Variants in CASD1 observed in about 807,000 individuals in gnomAD.
CASD1 encodes the protein N-acetylneuraminate (7)9-O-acetyltransferase.
CASD1 carries 41 observed loss-of-function variants against 100.0 expected under a neutral mutation model. The ratio of observed to expected loss-of-function variants is 0.41; its 90% CI spans 0.32 to 0.53. The LOEUF (loss-of-function observed/expected upper bound fraction) is 0.53, where lower values mean the gene tolerates loss of function less well. Among genes scored for constraint, CASD1 ranks in the 20% least tolerant of loss-of-function variants. The pLI, the probability that CASD1 is intolerant of heterozygous loss-of-function variation, is 0.25. For missense variants in CASD1, 774 were observed against 948.7 expected (o/e 0.82, Z 2.42); for synonymous variants, 321 against 315.6 (o/e 1.02, Z -0.18).
chr7:94,547,010 G>C lies in CASD1; in HGVS notation c.1634-86G>C, dbSNP rs1053690671. ...CTTATATTATTTTAAGAACTATTCA[G>C]CATGTACATATATCAAATAGAGAGT... On this transcript the variant is annotated intron_variant, in intron 12 of 17. Coordinates refer to ENST00000297273, the MANE Select transcript of CASD1 (RefSeq NM_022900.5). 7 of 752,482 alleles carry C rather than the reference G, an allele frequency of 9.3e-6. No individual in the cohort carries two copies. In the African/African-American group the frequency reaches 1.1e-4, roughly 12 times the overall value. 46.6% of individuals were successfully genotyped at this position (752,482 alleles called of 1,614,324 possible). A position where few individuals can be genotyped will look rare whatever the true frequency, so the allele number is the denominator to read the frequency against.
At chr7:94,628,083 T>C in the CASD1 span, 1 of 741,932 alleles carries the variant, frequency 1.3e-6, no homozygotes, top group Non-Finnish European at 2.3e-6. Context: ...GCACAAAATA[T>C]TAAAAACCAC....
chr7:94,592,598 T>C, the CASD1 span, among the ~76,000 whole-genome samples: 1 of 152,276 alleles, frequency 6.6e-6, no homozygotes, highest in Non-Finnish European at 1.5e-5. Flanking sequence ...ATTGTGTAAA[T>C]TAGTCATTGC....
chr7:94,548,020 A>C (rs139681743), intron 13 of CASD1, among the ~76,000 whole-genome samples: 150 of 151,672 alleles, frequency 9.9e-4, no homozygotes, highest in African/African-American at 3.2e-3. Flanking sequence ...TCTGCTTGAC[A>C]CTCAAGCTTC....
At chr7:94,516,009 G>A (rs1793962172) in intron 1 of CASD1, among the ~76,000 whole-genome samples, 1 of 151,928 alleles carries the variant, frequency 6.6e-6, no homozygotes, top group Admixed American at 6.6e-5. Context: ...TGTTTCTGGA[G>A]TTCTTTTTTT....
chr7:94,617,504 A>G, the CASD1 span: 1 of 152,226 alleles, frequency 6.6e-6, no homozygotes, highest in Non-Finnish European at 1.5e-5. Context: ...TTCAGGGAAG[A>G]TACCCCCATT....
the CASD1 span, among the ~76,000 whole-genome samples, chr7:94,606,753 T>C: frequency 6.6e-6 from 1 of 152,180 alleles, no homozygotes; most frequent in Non-Finnish European, 1.5e-5. Flanking sequence ...ATGGAAATCA[T>C]ACACTGTCTG....
intron 8 of CASD1, 149 bp from the exon 9 acceptor site, chr7:94,537,323 C>T: frequency 1.4e-6 from 1 of 700,646 alleles, no homozygotes; most frequent in Non-Finnish European, 2.4e-6. Flanking sequence ...GAATGAATAC[C>T]ATTATTTGCA....
At chr7:94,578,119 T>G in the CASD1 span, among the ~76,000 whole-genome samples, 1 of 152,178 alleles carries the variant, frequency 6.6e-6, no homozygotes. Context: ...GTAGCAAAGT[T>G]TGGTTAACTT....
the CASD1 span, among the ~76,000 whole-genome samples, chr7:94,568,308 TG>T: frequency 6.6e-6 from 1 of 152,160 alleles, no homozygotes; most frequent in Non-Finnish European, 1.5e-5. Context: ...TAAATAATAC[TG>T]GCAAGAAGGT....
the CASD1 span, chr7:94,624,471 G>GT: frequency 2.8e-6 from 1 of 354,438 alleles, no homozygotes. Flanking sequence ...ACTCCATAAA[G>GT]TTAAAAGAAC....
the CASD1 span, among the ~76,000 whole-genome samples, chr7:94,605,300 T>C: frequency 1.3e-5 from 2 of 149,980 alleles, no homozygotes; most frequent in African/African-American, 2.5e-5. Flanking sequence ...TTTTGAGAGA[T>C]GGAAAATGAT....
chr7:94,595,829 A>G, the CASD1 span, among the ~76,000 whole-genome samples: 1 of 152,156 alleles, frequency 6.6e-6, no homozygotes, highest in Non-Finnish European at 1.5e-5. Flanking sequence ...GGGAGTTACC[A>G]TAGAGACTGT....
chr7:94,519,040 T>C (rs1794118177), intron 3 of CASD1, among the ~76,000 whole-genome samples: 1 of 152,156 alleles, frequency 6.6e-6, no homozygotes, highest in African/African-American at 2.4e-5. Flanking sequence ...ATTAGCAATA[T>C]ATTTTGGGGC....
At chr7:94,578,303 A>G in the CASD1 span, among the ~76,000 whole-genome samples, 82 of 152,274 alleles carry the variant, frequency 5.4e-4, 1 homozygote, top group South Asian at 1.0e-3. Context: ...ATAAAATCCA[A>G]ACTCCACAAT....
the CASD1 span, among the ~76,000 whole-genome samples, chr7:94,580,687 A>G: frequency 6.6e-6 from 1 of 152,230 alleles, no homozygotes; most frequent in African/African-American, 2.4e-5. Flanking sequence ...TTGTCACCTG[A>G]GACTACTCAT....
At chr7:94,564,198 G>A in the CASD1 span, among the ~76,000 whole-genome samples, 2 of 152,316 alleles carry the variant, frequency 1.3e-5, no homozygotes, top group African/African-American at 4.8e-5. Context: ...ACATGTACCT[G>A]AGGCCTTACT....
chr7:94,613,787 T>G, the CASD1 span, among the ~76,000 whole-genome samples: 1 of 152,156 alleles, frequency 6.6e-6, no homozygotes, highest in Non-Finnish European at 1.5e-5. Flanking sequence ...AAAGACAGTT[T>G]AGAGAAGAAT....
At chr7:94,564,305 T>C in the CASD1 span, among the ~76,000 whole-genome samples, 1 of 152,312 alleles carries the variant, frequency 6.6e-6, no homozygotes, top group East Asian at 1.9e-4. Flanking sequence ...TTCCTCAAGA[T>C]CCATCTGGTT....
chr7:94,561,562 C>A (rs930586641), downstream of CASD1, among the ~76,000 whole-genome samples: 18 of 152,022 alleles, frequency 1.2e-4, no homozygotes, highest in African/African-American at 3.9e-4. Context: ...AACTTTGGAA[C>A]CTAAATGGCC....
Sources: gnomAD v4.1 joint callset for allele counts (sites outside exome capture counted in the v4.1 genomes callset) on GRCh38, gnomAD v4.1.1 for gene constraint, MANE v1.5 for transcripts, NCBI Gene and HGNC (gene_info 2026-07-23, HGNC 2026-07-21) for gene names.